The following UBP1 variants were observed in gnomAD, a reference collection of about 807,000 sequenced individuals.
The protein encoded by UBP1 is upstream-binding protein 1.
In UBP1, 22 loss-of-function variants were observed where a neutral mutation model predicts 76.1. The ratio of observed to expected loss-of-function variants is 0.29; its 90% CI spans 0.21 to 0.41. The LOEUF (loss-of-function observed/expected upper bound fraction) is 0.41, where lower values mean the gene tolerates loss of function less well. Among genes scored for constraint, UBP1 ranks in the 10% least tolerant of loss-of-function variants. The probability of loss-of-function intolerance (pLI) is 1.00; values close to 1 mark genes in which losing one functional copy is unlikely to be tolerated. For missense variants in UBP1, 436 were observed against 668.1 expected, an observed-to-expected ratio of 0.65 and a Z score of 3.83; for synonymous variants, 224 against 237.1, an observed-to-expected ratio of 0.94 and a Z score of 0.51.
In UBP1 at chr3:33,409,605, T is replaced by C. The variant is rs2044517400; in HGVS notation, c.556-4A>G. The stretch of plus-strand genomic sequence containing the variant: ...ATTCTGTGCTGATGCAGTGTACCTA[T>C]AAAACGATTCAGGCTGAAATGGATT... On this transcript the variant is annotated splice_region_variant and splice_polypyrimidine_tract_variant and intron_variant, in intron 5 of 15. Transcript: ENST00000283629. 2 of 1,614,160 alleles carry C rather than the reference T, an allele frequency of 1.2e-6. No individual in the cohort carries two copies. The highest frequency in any genetic ancestry group is 1.7e-5 in the Admixed American group (1 of 60,028).
At chr3:33,420,923 G>A (rs987688995) in intron 2 of UBP1, among the ~76,000 whole-genome samples, 1 of 152,134 alleles carries the variant, frequency 6.6e-6, no homozygotes, top group Non-Finnish European at 1.5e-5. Flanking sequence ...AACATTCTTA[G>A]CAGCGTATTC....
At chr3:33,407,938 G>A (rs1179944278) in intron 8 of UBP1, among the ~76,000 whole-genome samples, 4 of 152,194 alleles carry the variant, frequency 2.6e-5, no homozygotes, top group Admixed American at 2.0e-4. Context: ...AATAGATGAA[G>A]AGTCATGTCA....
chr3:33,403,222 C>T (rs1011190865), intron 8 of UBP1: 2 of 261,464 alleles, frequency 7.6e-6, no homozygotes, highest in African/African-American at 4.7e-5. Flanking sequence ...TTACCAGTAT[C>T]CTCTTTATCA....
intron 2 of UBP1, among the ~76,000 whole-genome samples, chr3:33,421,829 A>C (rs1194904903): frequency 6.6e-6 from 1 of 152,104 alleles, no homozygotes; most frequent in Admixed American, 6.5e-5. Flanking sequence ...TGGGTGGATC[A>C]CTTGAAGCCA....
chr3:33,396,995 C>G lies in UBP1; in HGVS notation c.1271+50G>C, dbSNP rs200821768. On this transcript the variant is annotated intron_variant, in intron 12 of 15. Coordinates refer to ENST00000283629, the MANE Select transcript of UBP1 (RefSeq NM_014517.5). ...ACACATTCTGCCCAAATTCCCCACG[C>G]GAAGAAAGGTACATTCTTATTTCAA... is the stretch of plus-strand genomic sequence containing the variant. The G allele has an allele frequency of 6.5e-6, 10 of 1,535,232 alleles. No individual in the cohort carries two copies. The East Asian group carries it at 6.8e-5, about 10-fold the overall frequency.
chr3:33,395,591 G>A (rs1236157389), intron 13 of UBP1, among the ~76,000 whole-genome samples: 1 of 151,824 alleles, frequency 6.6e-6, no homozygotes, highest in East Asian at 1.9e-4. Context: ...ATTATTTACA[G>A]TGACATAAAA....
In UBP1 at chr3:33,402,880, T is replaced by G. The variant is rs371155721; in HGVS notation, c.952A>C (p.Thr318Pro). The G allele has an allele frequency of 1.9e-6, 3 of 1,610,454 alleles. No individual in the cohort carries two copies. In the African/African-American group the frequency reaches 4.0e-5, roughly 22 times the overall value. The change falls in exon 9 of 16, where the codon ACA (threonine) becomes CCA (proline). Residue 318 changes from threonine to proline, a missense_variant. Thr to Pro is a conservative substitution (Grantham distance 38). Coordinates refer to ENST00000283629, the MANE Select transcript of UBP1 (RefSeq NM_014517.5). ...GSCSPWPDAP[T>P]AYVNNSPSPA... ...GAAGGGCTGTTATTCACATAGGCTG[T>G]GGGGGCATCGGGCCACGGAGAACAC...
rs542656682 is a variant in UBP1 at position 33,422,546 on chromosome 3, C to T, written c.265+3044G>A. 9.2e-5 allele frequency among the ~76,000 whole-genome samples: 14 copies of T among 152,046 alleles called. No individual in the cohort carries two copies. In the South Asian group the frequency reaches 1.7e-3, roughly 18 times the overall value. ...AGCGTGGGCAATGAATAGTGAGATCCGCCATCTCTACGAAAATTTTTTTTA... is the reference window on the plus strand; with the variant it reads ...AGCGTGGGCAATGAATAGTGAGATCTGCCATCTCTACGAAAATTTTTTTTA... On this transcript the variant is annotated intron_variant, in intron 2 of 15. Coordinates refer to ENST00000283629, the MANE Select transcript of UBP1 (RefSeq NM_014517.5).
chr3:33,427,616 G>A (rs751304674), intron 1 of UBP1, among the ~76,000 whole-genome samples: 8 of 152,096 alleles, frequency 5.3e-5, no homozygotes, highest in Non-Finnish European at 1.0e-4. Context: ...GAAATGGGAC[G>A]GAAACCCTGG....
intron 11 of UBP1, chr3:33,397,624 T>A (rs1389574211): frequency 6.6e-6 from 1 of 152,336 alleles, no homozygotes; most frequent in Non-Finnish European, 1.5e-5. Flanking sequence ...CTCTTTATTC[T>A]GAAACGTGCA....
At chr3:33,424,312 C>A (rs1446248272) in intron 2 of UBP1, among the ~76,000 whole-genome samples, 1 of 152,170 alleles carries the variant, frequency 6.6e-6, no homozygotes, top group Non-Finnish European at 1.5e-5. Flanking sequence ...CTTATAGATT[C>A]TAAACTTATA....
At chr3:33,413,559 A>AC (rs2044649624) in intron 3 of UBP1, among the ~76,000 whole-genome samples, 1 of 151,788 alleles carries the variant, frequency 6.6e-6, no homozygotes, top group African/African-American at 2.4e-5. Flanking sequence ...AAAAAAAAAA[A>AC]AAAAAACTTT....
At chr3:33,418,989 A>G (rs2044811724) in intron 2 of UBP1, among the ~76,000 whole-genome samples, 1 of 152,224 alleles carries the variant, frequency 6.6e-6, no homozygotes, top group Non-Finnish European at 1.5e-5. Context: ...ATATTGAAAG[A>G]CAACTTCCAT....
At chr3:33,390,692 A>G (rs947839021) in intron 15 of UBP1, 3 of 317,390 alleles carry the variant, frequency 9.5e-6, no homozygotes, top group Non-Finnish European at 1.7e-5. Flanking sequence ...AAGAGCTAGA[A>G]GGAGAACAGG....
At chr3:33,426,209 G>A (rs2045015446) in intron 1 of UBP1, among the ~76,000 whole-genome samples, 1 of 151,536 alleles carries the variant, frequency 6.6e-6, no homozygotes, top group Non-Finnish European at 1.5e-5. Flanking sequence ...ATTAAAATGG[G>A]GTTTTACAAA....
intron 2 of UBP1, among the ~76,000 whole-genome samples, chr3:33,420,466 C>T (rs2044858586): frequency 2.0e-5 from 3 of 149,612 alleles, no homozygotes; most frequent in Non-Finnish European, 3.0e-5. Flanking sequence ...GCTGGAATGA[C>T]AGGTGTGTGC....
chr3:33,402,690 G>A (rs1269339165), intron 9 of UBP1, 111 bp downstream of exon 9: 1 of 722,966 alleles, frequency 1.4e-6, no homozygotes, highest in African/African-American at 1.9e-5. Flanking sequence ...TCCCCTTACT[G>A]TTTCCTTTAG....
chr3:33,413,754 G>A (rs1020112380), intron 3 of UBP1, among the ~76,000 whole-genome samples: 2 of 152,044 alleles, frequency 1.3e-5, no homozygotes, highest in African/African-American at 4.8e-5. Context: ...CTCAGTGGCT[G>A]CTTTATTCCC....
intron 3 of UBP1, among the ~76,000 whole-genome samples, chr3:33,414,945 T>C (rs2044691438): frequency 1.3e-5 from 2 of 150,206 alleles, no homozygotes; most frequent in Non-Finnish European, 2.9e-5. Flanking sequence ...AGTTAATGGT[T>C]TTGCTACTAA....
Sources: allele counts gnomAD v4.1 joint callset (sites outside exome capture counted in the v4.1 genomes callset), GRCh38; gene constraint gnomAD v4.1.1; transcripts MANE v1.5; gene names NCBI Gene and HGNC (gene_info 2026-07-23, HGNC 2026-07-21).